The following L3MBTL4 variants were observed in gnomAD, a reference collection of about 807,000 sequenced individuals.
The protein encoded by L3MBTL4 is L3MBTL histone methyl-lysine binding protein 4.
L3MBTL4 carries 70 observed loss-of-function variants against 84.5 expected under a neutral mutation model. That is an observed-to-expected ratio of 0.83 (90% CI 0.68 to 1.01). L3MBTL4 has a LOEUF of 1.01. Ranked by LOEUF, L3MBTL4 falls within the 50% of genes least tolerant of loss-of-function variation. The probability of loss-of-function intolerance (pLI) is 0.00; values close to 1 mark genes in which losing one functional copy is unlikely to be tolerated. For synonymous variants in L3MBTL4, 274 were observed against 259.8 expected (o/e 1.05, Z -0.52); for missense variants, 715 against 754.8 (o/e 0.95, Z 0.62).
chr18:5,986,908 G>A lies in L3MBTL4; in HGVS notation c.1445-17346C>T, dbSNP rs574200930. On this transcript the variant is annotated intron_variant, in intron 16 of 18. Coordinates refer to ENST00000317931, the MANE Select transcript of L3MBTL4 (RefSeq NM_001330559.2). ...GCTAAGGAAATTAAATCCCTTGTAT[G>A]AGATTGTGCTATGCAAATGTTAGGA... Among the ~76,000 whole-genome samples the A allele has an allele frequency of 2.6e-5, 4 of 152,362 alleles. No individual in the cohort carries two copies. In the South Asian group the frequency reaches 8.3e-4, roughly 32 times the overall value.
intron 3 of L3MBTL4, among the ~76,000 whole-genome samples, chr18:6,309,373 TC>T (rs560788461): frequency 3.9e-5 from 6 of 152,236 alleles, no homozygotes; most frequent in Non-Finnish European, 8.8e-5. Flanking sequence ...TAAATGTGCA[TC>T]TTTTCAATTA....
At position 5,997,151 on chromosome 18, in the gene L3MBTL4, C is replaced by T. The variant is rs180939112; in HGVS notation, c.1445-27589G>A. On this transcript the variant is annotated intron_variant, in intron 16 of 18. Transcript: ENST00000317931. ...AATAACTGTGTACTTTGCATTTACG[C>T]TGTGTTAGGTATAAGTAATCTAGAG... Among the ~76,000 whole-genome samples the T allele has an allele frequency of 1.3e-4, 20 of 150,784 alleles. 1 individual carries two copies. Among genetic ancestry groups the T allele is most frequent in the African/African-American group, 4.2e-4 (17 of 40,130 alleles).
chr18:6,109,011 G>A (rs1220517250), intron 14 of L3MBTL4, among the ~76,000 whole-genome samples: 1 of 152,132 alleles, frequency 6.6e-6, no homozygotes, highest in East Asian at 1.9e-4. Context: ...TGTCCTATGG[G>A]TACCAAGGAA....
chr18:6,045,925 TAGA>T (rs2056599838), intron 16 of L3MBTL4, among the ~76,000 whole-genome samples: 1 of 152,144 alleles, frequency 6.6e-6, no homozygotes. Flanking sequence ...ACTCTCCACT[TAGA>T]AGGCACAGAG....
chr18:6,178,592 C>T (rs1344890199), intron 12 of L3MBTL4, among the ~76,000 whole-genome samples: 2 of 152,134 alleles, frequency 1.3e-5, no homozygotes, highest in African/African-American at 2.4e-5. Context: ...CATGTAGACC[C>T]TTCTTGCTCA....
intron 16 of L3MBTL4, among the ~76,000 whole-genome samples, chr18:6,044,808 T>C (rs1324582680): frequency 6.6e-6 from 1 of 152,196 alleles, no homozygotes; most frequent in East Asian, 1.9e-4. Context: ...AGTGGTTTAT[T>C]AGAAGAGTAA....
chr18:6,255,252 C>T (rs1014527485), intron 5 of L3MBTL4, among the ~76,000 whole-genome samples: 22 of 152,330 alleles, frequency 1.4e-4, no homozygotes, highest in South Asian at 6.2e-4. Flanking sequence ...GAGCTCTGAA[C>T]TTGACATTCA....
intron 1 of L3MBTL4, among the ~76,000 whole-genome samples, chr18:6,387,401 T>C (rs368321537): frequency 1.3e-5 from 2 of 152,318 alleles, no homozygotes; most frequent in African/African-American, 4.8e-5. Flanking sequence ...GGGTAATTTA[T>C]ATTTACTAGT....
intron 1 of L3MBTL4, among the ~76,000 whole-genome samples, chr18:6,315,922 A>G (rs1391297493): frequency 1.3e-5 from 2 of 152,184 alleles, no homozygotes; most frequent in African/African-American, 4.8e-5. Context: ...TGCACCCATA[A>G]GTCTTGCATA....
intron 5 of L3MBTL4, 46 bp from the exon 6 acceptor site, chr18:6,244,634 A>G (rs2047583502): frequency 7.8e-7 from 1 of 1,287,478 alleles, no homozygotes; most frequent in South Asian, 1.2e-5. Context: ...ATTTCATCAC[A>G]GTTTTATATT....
intron 16 of L3MBTL4, among the ~76,000 whole-genome samples, chr18:5,972,877 T>G (rs1230703453): frequency 1.3e-5 from 1 of 76,154 alleles, no homozygotes; most frequent in Non-Finnish European, 2.4e-5. Flanking sequence ...TAGAATAGAA[T>G]AGAATAGAAC....
chr18:6,035,116 G>A (rs1420599018), intron 16 of L3MBTL4, among the ~76,000 whole-genome samples: 7 of 150,596 alleles, frequency 4.6e-5, no homozygotes, highest in African/African-American at 1.7e-4. Context: ...CACTCTGATG[G>A]TAGTTTCTTT....
At chr18:6,261,822 C>T (rs377542811) in intron 5 of L3MBTL4, among the ~76,000 whole-genome samples, 5 of 152,248 alleles carry the variant, frequency 3.3e-5, no homozygotes, top group East Asian at 3.9e-4. Context: ...AATGTTAATA[C>T]CCTGACGGGC....
intron 1 of L3MBTL4, among the ~76,000 whole-genome samples, chr18:6,322,855 G>A (rs1455908276): frequency 4.6e-5 from 7 of 152,060 alleles, no homozygotes; most frequent in Middle Eastern, 3.2e-3. Context: ...CAGTAAATAC[G>A]GTTTGGATCT....
In L3MBTL4 at chr18:6,379,529, C is replaced by T. The variant is rs370266368; in HGVS notation, c.-91+35272G>A. Among the ~76,000 whole-genome samples the T allele has an allele frequency of 7.4e-4, 112 of 152,090 alleles. 1 individual carries two copies. In the East Asian group the frequency reaches 0.018, roughly 24 times the overall value. ...TTATTGAAAGTTTTTAGCATGAAGG[C>T]AAGTTGAATTTTGTCCAAGGCCTTT... On this transcript the variant is annotated intron_variant, in intron 1 of 18. Transcript: ENST00000317931.
intron 2 of L3MBTL4, among the ~76,000 whole-genome samples, 157 bp from the exon 3 acceptor site, chr18:6,311,813 A>G (rs1439874110): frequency 2.6e-5 from 4 of 152,250 alleles, no homozygotes; most frequent in Non-Finnish European, 5.9e-5. Context: ...GTTTTATAGT[A>G]CTTAATATAA....
chr18:6,121,634 A>T (rs1279558358), intron 14 of L3MBTL4, among the ~76,000 whole-genome samples: 1 of 150,780 alleles, frequency 6.6e-6, no homozygotes, highest in Non-Finnish European at 1.5e-5. Context: ...ATTCAAGTAG[A>T]TTCTTTTTCT....
chr18:6,215,500 G>A (rs530858375), intron 11 of L3MBTL4, among the ~76,000 whole-genome samples: 16 of 152,224 alleles, frequency 1.1e-4, no homozygotes, highest in Admixed American at 8.5e-4. Context: ...CAGTTGATGA[G>A]GTGTTTTCAA....
chr18:6,132,903 AAG>A (rs1245191845), intron 14 of L3MBTL4, among the ~76,000 whole-genome samples: 1 of 152,140 alleles, frequency 6.6e-6, no homozygotes, highest in Non-Finnish European at 1.5e-5. Context: ...CTGAAGTGGA[AAG>A]AGAGGCTTGT....
Sources: allele counts gnomAD v4.1 joint callset (sites outside exome capture counted in the v4.1 genomes callset), GRCh38; gene constraint gnomAD v4.1.1; transcripts MANE v1.5; gene names NCBI Gene and HGNC (gene_info 2026-07-23, HGNC 2026-07-21).